Variants in TOX2 observed in about 807,000 individuals in gnomAD.
The protein encoded by TOX2 is granulosa cell HMG box 1.
A neutral mutation model predicts 47.4 loss-of-function variants in TOX2; 15 were observed. The observed-to-expected ratio is 0.32, with a 90% CI of 0.21 to 0.49. The LOEUF (loss-of-function observed/expected upper bound fraction) is 0.49. Among genes scored for constraint, TOX2 ranks in the 20% least tolerant of loss-of-function variants. The pLI, the probability that TOX2 is intolerant of heterozygous loss-of-function variation, is 0.99. For missense variants in TOX2, 622 were observed against 673.1 expected (o/e 0.92, Z 0.84); for synonymous variants, 290 against 296.6 (o/e 0.98, Z 0.23).
At chr20:44,067,974 A>C (rs1309040748) in intron 8 of TOX2, among the ~76,000 whole-genome samples, 1 of 152,168 alleles carries the variant, frequency 6.6e-6, no homozygotes, top group Non-Finnish European at 1.5e-5. Flanking sequence ...GCCTCCCAGC[A>C]CACGGCTGGT....
chr20:44,006,082 G>A (rs1416339219), intron 2 of TOX2, among the ~76,000 whole-genome samples: 1 of 152,220 alleles, frequency 6.6e-6, no homozygotes, highest in Non-Finnish European at 1.5e-5. Flanking sequence ...GGGAGCACAA[G>A]AGAAAATGGC....
At chr20:44,065,034 T>A (rs551233939) in intron 6 of TOX2, among the ~76,000 whole-genome samples, 177 bp downstream of exon 6, 1 of 152,362 alleles carries the variant, frequency 6.6e-6, no homozygotes, top group African/African-American at 2.4e-5. Context: ...CTGGGCACTT[T>A]ACATGCATTT....
rs1300668074 is a variant in TOX2 at position 44,068,968 on chromosome 20, A to C, written c.*282A>C. 1 of 577,466 alleles carries C rather than the reference A, an allele frequency of 1.7e-6. No homozygotes were observed. Among genetic ancestry groups the C allele is most frequent in the South Asian group, 1.6e-5 (1 of 64,022 alleles). The allele number at this position is 577,466 out of a possible 1,614,324, so 35.8% of individuals were successfully genotyped here. ...ACCCTGTCCTCGCCCTGCGCACGGT[A>C]CCCTATGTCTGGACACCCGGCCCCA... On this transcript the variant is annotated 3_prime_UTR_variant, in exon 9 of 9. Coordinates refer to ENST00000341197, the MANE Select transcript of TOX2 (RefSeq NM_001098797.2).
intron 1 of TOX2, among the ~76,000 whole-genome samples, chr20:43,953,839 CT>C (rs1013714646): frequency 3.3e-5 from 5 of 152,116 alleles, no homozygotes; most frequent in African/African-American, 4.8e-5. Context: ...CTGGGTTCTC[CT>C]GGTTTGCGAC....
chr20:44,037,063 TC>T (rs2071253383), intron 3 of TOX2, among the ~76,000 whole-genome samples: 1 of 152,224 alleles, frequency 6.6e-6, no homozygotes, highest in Admixed American at 6.5e-5. Flanking sequence ...CAAGCGATTC[TC>T]CTGCCTCAGC....
At position 44,066,871 on chromosome 20, in the gene TOX2, C is replaced by T. The variant is rs201554355; in HGVS notation, c.1484+14C>T. 47 of 1,606,802 alleles carry T rather than the reference C, an allele frequency of 2.9e-5. No individual in the cohort carries two copies. Among genetic ancestry groups the T allele is most frequent in the East Asian group, 4.5e-5 (2 of 44,818 alleles). On this transcript the variant is annotated intron_variant, in intron 8 of 8. Coordinates refer to ENST00000341197, the MANE Select transcript of TOX2 (RefSeq NM_001098797.2). ...CAGCACCTGCAGGTTAGTCCTCGCC[C>T]GTCCCTGCCTTTGTCCTGCCAGCCA...
intron 2 of TOX2, among the ~76,000 whole-genome samples, chr20:43,987,944 A>G (rs1366157719): frequency 7.9e-6 from 1 of 126,470 alleles, no homozygotes; most frequent in Non-Finnish European, 1.6e-5. Flanking sequence ...TTTTGGAGAC[A>G]GTGTCTCACT....
At chr20:44,014,529 A>G (rs1418339988) in intron 3 of TOX2, among the ~76,000 whole-genome samples, 1 of 152,146 alleles carries the variant, frequency 6.6e-6, no homozygotes, top group Non-Finnish European at 1.5e-5. Context: ...CTATGTGGTC[A>G]GGCTGACCTA....
At chr20:43,995,544 G>A (rs1385488816) in intron 2 of TOX2, among the ~76,000 whole-genome samples, 1 of 152,170 alleles carries the variant, frequency 6.6e-6, no homozygotes, top group African/African-American at 2.4e-5. Flanking sequence ...AGGTTCAGGG[G>A]TACGTGTGAA....
At chr20:44,007,777 C>CTGTGGTG (rs1034722948) in intron 3 of TOX2, among the ~76,000 whole-genome samples, 1 of 152,086 alleles carries the variant, frequency 6.6e-6, no homozygotes, top group African/African-American at 2.4e-5. Flanking sequence ...GAGGTCAAGG[C>CTGTGGTG]TGTGGTGACA....
At position 44,058,045 on chromosome 20, in the gene TOX2, G is replaced by A. The variant is rs150935898; in HGVS notation, c.879+3519G>A. On this transcript the variant is annotated intron_variant, in intron 5 of 8. Coordinates refer to ENST00000341197, the MANE Select transcript of TOX2 (RefSeq NM_001098797.2). ...GCTCCCACTCGGACAGACAGAGCAC[G>A]GAGACTCACATTGTGAACTTTTGCT... 3.2e-3 allele frequency among the ~76,000 whole-genome samples: 480 copies of A among 148,174 alleles called. 2 individuals are homozygous for A. Among genetic ancestry groups the A allele is most frequent in the African/African-American group, 0.012 (442 of 37,728 alleles).
intron 2 of TOX2, among the ~76,000 whole-genome samples, chr20:43,988,252 G>A (rs1404697193): frequency 6.6e-6 from 1 of 152,200 alleles, no homozygotes; most frequent in African/African-American, 2.4e-5. Context: ...GCATATGTGT[G>A]TGTGTGTATG....
chr20:44,054,621 G>T, intron 5 of TOX2, 95 bp downstream of exon 5: 1 of 1,317,346 alleles, frequency 7.6e-7, no homozygotes, highest in Non-Finnish European at 1.1e-6. Flanking sequence ...CCCAGCTCTG[G>T]AACTAGAGAC....
chr20:44,062,878 A>G (rs1033218950), intron 5 of TOX2, among the ~76,000 whole-genome samples: 3 of 152,198 alleles, frequency 2.0e-5, no homozygotes, highest in Non-Finnish European at 4.4e-5. Flanking sequence ...AAACAATAAC[A>G]TGAAGTGGGG....
rs192191791 is a variant in TOX2, at chr20:43,925,260, G to A, written c.99+10270G>A. On this transcript the variant is annotated intron_variant, in intron 1 of 8. Transcript: ENST00000341197. ...ATTTAAATTTGTAAATGGGAGGGGG[G>A]CATCTAGATCTGTTCTGTGGTTGTG... 1.8e-3 allele frequency among the ~76,000 whole-genome samples: 277 copies of A among 151,714 alleles called. 2 individuals are homozygous for A. Among genetic ancestry groups the A allele is most frequent in the African/African-American group, 6.4e-3 (265 of 41,370 alleles).
intron 2 of TOX2, among the ~76,000 whole-genome samples, chr20:43,977,550 A>G (rs1001426099): frequency 2.6e-5 from 4 of 151,156 alleles, no homozygotes; most frequent in Non-Finnish European, 5.9e-5. Flanking sequence ...CTTTTTGAAA[A>G]CTTTCACCGC....
At chr20:43,970,586 C>G (rs2145464540) in intron 1 of TOX2, among the ~76,000 whole-genome samples, 1 of 152,324 alleles carries the variant, frequency 6.6e-6, no homozygotes, top group East Asian at 1.9e-4. Context: ...TCCTCCATCT[C>G]CAATTATTCT....
intron 3 of TOX2, among the ~76,000 whole-genome samples, chr20:44,038,101 A>T (rs1440073393): frequency 1.3e-5 from 2 of 152,186 alleles, no homozygotes; most frequent in Non-Finnish European, 1.5e-5. Flanking sequence ...TGTGCTCAGA[A>T]ATTAACGAGA....
intron 3 of TOX2, among the ~76,000 whole-genome samples, chr20:44,048,386 A>ATT (rs910766825): frequency 1.2e-4 from 11 of 91,792 alleles, no homozygotes; most frequent in Middle Eastern, 5.3e-3. Context: ...GATAAAATGA[A>ATT]TTTATATATA....
Sources: gnomAD v4.1 joint callset for allele counts (sites outside exome capture counted in the v4.1 genomes callset) on GRCh38, gnomAD v4.1.1 for gene constraint, MANE v1.5 for transcripts, NCBI Gene and HGNC (gene_info 2026-07-23, HGNC 2026-07-21) for gene names.